The following ITGA4 variants were observed in gnomAD, a reference collection of about 807,000 sequenced individuals.
The protein encoded by ITGA4 is integrin alpha-4.
A neutral mutation model predicts 133.6 loss-of-function variants in ITGA4; 63 were observed. The ratio of observed to expected loss-of-function variants is 0.47; its 90% confidence interval spans 0.38 to 0.58. The LOEUF (loss-of-function observed/expected upper bound fraction) is 0.58, where lower values mean the gene tolerates loss of function less well. ITGA4 is among the 20% of genes least tolerant of loss of function. The pLI is 0.00. For synonymous variants in ITGA4, 483 were observed against 438.0 expected (o/e 1.10, Z -1.28); for missense variants, 1,076 against 1,252.7 (o/e 0.86, Z 2.13).
intron 15 of ITGA4, chr2:181,499,032 T>C (rs370776287): frequency 3.8e-6 from 1 of 260,938 alleles, no homozygotes. Context: ...TTTTCCTTTC[T>C]AAAATTTCAT....
chr2:181,538,159 C>T lies in ITGA4; in HGVS notation c.*2632C>T, dbSNP rs368851275. ...CTTTATATTAAAATTCTAGTTTGTACATTTCTTTTAGAAACAATTACATGT... is the reference window on the plus strand; with the variant it reads ...CTTTATATTAAAATTCTAGTTTGTATATTTCTTTTAGAAACAATTACATGT... On this transcript the variant is annotated 3_prime_UTR_variant, in exon 28 of 28. Transcript: ENST00000397033. The T allele has an allele frequency of 2.5e-5, 36 of 1,454,198 alleles. No individual in the cohort carries two copies. The highest frequency in any genetic ancestry group is 4.6e-5 in the South Asian group (4 of 87,436). 90.1% of individuals were successfully genotyped at this position (1,454,198 alleles called of 1,614,324 possible). A position where few individuals can be genotyped will look rare whatever the true frequency, so the allele number is the denominator to read the frequency against.
At chr2:181,478,274 A>C (rs1421372142) in intron 4 of ITGA4, among the ~76,000 whole-genome samples, 1 of 152,024 alleles carries the variant, frequency 6.6e-6, no homozygotes, top group Admixed American at 6.6e-5. Flanking sequence ...CTAGAGATCT[A>C]ATGTACAGCA....
chr2:181,475,131 T>A (rs1283081972), intron 3 of ITGA4, 28 bp from the exon 4 acceptor site: 2 of 1,613,484 alleles, frequency 1.2e-6, no homozygotes, highest in Admixed American at 3.3e-5. Flanking sequence ...AGCTTTCACA[T>A]CATTTGGTCT....
At chr2:181,473,237 G>A (rs573786664) in intron 2 of ITGA4, among the ~76,000 whole-genome samples, 29 of 152,308 alleles carry the variant, frequency 1.9e-4, no homozygotes, top group South Asian at 1.2e-3. Context: ...GAGCATTCCC[G>A]CCTGAGCTTT....
intron 2 of ITGA4, among the ~76,000 whole-genome samples, chr2:181,472,788 C>T (rs1685585756): frequency 6.6e-6 from 1 of 152,052 alleles, no homozygotes; most frequent in Admixed American, 6.5e-5. Flanking sequence ...AATTTTTTTT[C>T]TCCTACCATC....
At chr2:181,492,403 GT>G (rs970746736) in intron 10 of ITGA4, among the ~76,000 whole-genome samples, 23 of 152,118 alleles carry the variant, frequency 1.5e-4, no homozygotes, top group African/African-American at 5.1e-4. Context: ...TACCACTATA[GT>G]TGATAAAATG....
chr2:181,493,181 A>T, intron 10 of ITGA4, 144 bp from the exon 11 acceptor site: 1 of 594,618 alleles, frequency 1.7e-6, no homozygotes, highest in Non-Finnish European at 3.0e-6. Flanking sequence ...ATAGTATTTT[A>T]TTTTTTTCTG....
chr2:181,464,627 A>G (rs1450148814), intron 2 of ITGA4, among the ~76,000 whole-genome samples: 3 of 152,174 alleles, frequency 2.0e-5, no homozygotes, highest in Non-Finnish European at 4.4e-5. Flanking sequence ...TGAAGAGCAC[A>G]TGTAAGGGCT....
At chr2:181,534,723 G>A in intron 26 of ITGA4, 93 bp from the exon 27 acceptor site, 1 of 1,070,662 alleles carries the variant, frequency 9.3e-7, no homozygotes, top group Non-Finnish European at 1.3e-6. Context: ...ATACTACTGG[G>A]GATTATGGCA....
chr2:181,529,621 T>G lies in ITGA4; in HGVS notation c.2511T>G (p.Asp837Glu), dbSNP rs1395374176. ...CAAATTCTTTTAGCCCCCAAACTGA[T>G]AAGCTGTTCAACATTTTGGATGTCC... ...MVPNSFSPQT[D>E]KLFNILDVQT... The change falls in exon 23 of 28, where the codon GAT becomes GAG. Residue 837 changes from aspartate to glutamate, a missense_variant. Asp to Glu is a conservative substitution (Grantham distance 45). Coordinates refer to ENST00000397033, the MANE Select transcript of ITGA4 (RefSeq NM_000885.6). 6.3e-7 allele frequency: 1 copy of G among 1,596,940 alleles called. No homozygotes were observed. The highest frequency in any genetic ancestry group is 8.6e-7 in the Non-Finnish European group (1 of 1,165,044).
intron 17 of ITGA4, among the ~76,000 whole-genome samples, chr2:181,513,094 G>A (rs1332476455): frequency 6.6e-6 from 1 of 151,894 alleles, no homozygotes; most frequent in African/African-American, 2.4e-5. Context: ...CATTGTCTTA[G>A]TAGTTATTTA....
At chr2:181,498,566 A>C in intron 14 of ITGA4, 57 bp from the exon 15 acceptor site, 3 of 1,097,046 alleles carry the variant, frequency 2.7e-6, no homozygotes, top group Non-Finnish European at 4.0e-6. Flanking sequence ...CACTTCAAAA[A>C]TAACAATAGA....
chr2:181,488,726 T>C lies in ITGA4; in HGVS notation c.1153+2734T>C, dbSNP rs540324379. On this transcript the variant is annotated intron_variant, in intron 10 of 27. Transcript: ENST00000397033. The stretch of plus-strand genomic sequence containing the variant: ...GGCACCCGCCACCACCCCAGCTAAT[T>C]TTTTTGTGTTTTTAGTAGAGACAGG... Among the ~76,000 whole-genome samples, 853 of 151,974 alleles carry C rather than the reference T, an allele frequency of 5.6e-3. 5 individuals carry two copies. The highest frequency in any genetic ancestry group is 0.02 in the African/African-American group (809 of 41,468).
intron 2 of ITGA4, among the ~76,000 whole-genome samples, chr2:181,464,211 G>T (rs575259804): frequency 6.6e-5 from 10 of 152,122 alleles, no homozygotes; most frequent in African/African-American, 9.7e-5. Context: ...CAGTAGTAAA[G>T]GTTGCCAAGA....
At chr2:181,481,574 C>T in intron 6 of ITGA4, 24 bp from the exon 7 acceptor site, 1 of 1,397,144 alleles carries the variant, frequency 7.2e-7, no homozygotes, top group African/African-American at 1.4e-5. Context: ...CCAGGACTCT[C>T]ATACTTTCTC....
At chr2:181,535,374 T>C (rs1687040633) in intron 27 of ITGA4, 58 bp from the exon 28 acceptor site, 10 of 1,296,826 alleles carry the variant, frequency 7.7e-6, no homozygotes, top group Middle Eastern at 2.2e-4. Flanking sequence ...GAAATGAGTA[T>C]AGTAGATAAG....
intron 11 of ITGA4, among the ~76,000 whole-genome samples, chr2:181,494,432 C>A (rs1450693850): frequency 1.3e-5 from 2 of 152,092 alleles, no homozygotes; most frequent in Non-Finnish European, 2.9e-5. Context: ...CATAGTGAGA[C>A]CCCCACCTCT....
At position 181,537,434 on chromosome 2, in the gene ITGA4, CTTGTATCATGAATT is replaced by C. The variant is rs956321973; in HGVS notation, c.*1910_*1923del. 12 of 453,830 alleles carry C rather than the reference CTTGTATCATGAATT, an allele frequency of 2.6e-5. No individual in the cohort carries two copies. Among genetic ancestry groups the C allele is most frequent in the Admixed American group, 4.7e-5 (2 of 42,522 alleles). The allele number at this position is 453,830 out of a possible 1,614,324, so 28.1% of individuals were successfully genotyped here. ...TATTTGTTATCAACTTACTTTGTTA[CTTGTATCATGAATT>C]TTAAAACCCTACCACTTTAAGAAGA... On this transcript the variant is annotated 3_prime_UTR_variant, in exon 28 of 28. Coordinates refer to ENST00000397033, the MANE Select transcript of ITGA4 (RefSeq NM_000885.6).
intron 25 of ITGA4, among the ~76,000 whole-genome samples, chr2:181,532,468 C>A (rs1247359132): frequency 2.6e-5 from 4 of 152,142 alleles, no homozygotes; most frequent in African/African-American, 9.7e-5. Flanking sequence ...AGAGGTCCTT[C>A]ACATCCCTTG....
Sources: allele counts gnomAD v4.1 joint callset (sites outside exome capture counted in the v4.1 genomes callset), GRCh38; gene constraint gnomAD v4.1.1; transcripts MANE v1.5; gene names NCBI Gene and HGNC (gene_info 2026-07-23, HGNC 2026-07-21).